The following UBE3D variants were observed in gnomAD, a reference collection of about 807,000 sequenced individuals.
UBE3D encodes the protein ubiquitin protein ligase E3D, also known as E3 ubiquitin-protein ligase E3D.
A neutral mutation model predicts 49.6 loss-of-function variants in UBE3D; 48 were observed. The observed-to-expected ratio is 0.97, with a 90% CI of 0.77 to 1.23. The LOEUF is 1.23. UBE3D is among the 50% of genes most tolerant of loss of function. The pLI, the probability that UBE3D is intolerant of heterozygous loss-of-function variation, is 0.00. For synonymous variants in UBE3D, 189 were observed against 174.2 expected (o/e 1.08, Z -0.67); for missense variants, 452 against 468.4 (o/e 0.96, Z 0.32).
At chr6:82,909,166 T>G (rs532732909) in intron 9 of UBE3D, among the ~76,000 whole-genome samples, 1 of 152,304 alleles carries the variant, frequency 6.6e-6, no homozygotes, top group South Asian at 2.1e-4. Context: ...AGAACATTCC[T>G]GATAACAAGT....
intron 3 of UBE3D, among the ~76,000 whole-genome samples, chr6:83,048,063 C>A (rs1455720710): frequency 9.5e-6 from 1 of 104,928 alleles, no homozygotes; most frequent in Admixed American, 1.6e-4. Context: ...GCCTGGGCAA[C>A]AGGGAGACTC....
At position 82,959,717 on chromosome 6, in the gene UBE3D, CAAAAAAAAAAAAAAAA is replaced by C. The variant is rs778278435; in HGVS notation, c.1011-2283_1011-2268del. Among the ~76,000 whole-genome samples the C allele has an allele frequency of 2.4e-4, 9 of 37,730 alleles. No homozygotes were observed. The South Asian group carries it at 3.6e-3, about 15-fold the overall frequency. The allele number at this position is 37,730 out of a possible 152,430, so 24.8% of individuals were successfully genotyped here. On this transcript the variant is annotated intron_variant, in intron 8 of 9. Coordinates refer to ENST00000369747, the MANE Select transcript of UBE3D (RefSeq NM_198920.3). Reference sequence around the variant, plus strand: ...CAAATTCCTATCTCAGTGAGACCTCCAAAAAAAAAAAAAAAAAAAAAAAAAAAAGGATTGGCTCTGC... The same window carrying C: ...CAAATTCCTATCTCAGTGAGACCTCCAAAAAAAAAAAAGGATTGGCTCTGC...
chr6:82,997,699 A>G (rs549692695), intron 8 of UBE3D, among the ~76,000 whole-genome samples: 168 of 152,326 alleles, frequency 1.1e-3, no homozygotes, highest in African/African-American at 3.9e-3. Context: ...AGCCTGGGCG[A>G]CACAGCAAGA....
chr6:82,981,566 A>C (rs865823272), intron 8 of UBE3D, among the ~76,000 whole-genome samples: 51 of 152,180 alleles, frequency 3.4e-4, no homozygotes, highest in African/African-American at 1.2e-3. Flanking sequence ...TTCCTAAAAA[A>C]AAAAAATTTA....
chr6:82,985,615 G>T (rs1261545734), intron 8 of UBE3D, among the ~76,000 whole-genome samples: 5 of 152,122 alleles, frequency 3.3e-5, no homozygotes, highest in Non-Finnish European at 7.4e-5. Context: ...ACCCGCCTCG[G>T]CCTCACAAAG....
chr6:82,946,130 G>A (rs1459661464), intron 9 of UBE3D, among the ~76,000 whole-genome samples: 1 of 152,104 alleles, frequency 6.6e-6, no homozygotes, highest in African/African-American at 2.4e-5. Context: ...CAAACCTAGA[G>A]AAAGATATCA....
intron 9 of UBE3D, among the ~76,000 whole-genome samples, chr6:82,904,034 C>T (rs557292726): frequency 2.6e-5 from 4 of 152,194 alleles, no homozygotes; most frequent in Admixed American, 6.5e-5. Context: ...GCATTCAAAG[C>T]GGTAGATTCT....
chr6:83,035,056 C>T (rs1179748720), intron 5 of UBE3D, among the ~76,000 whole-genome samples: 1 of 151,828 alleles, frequency 6.6e-6, no homozygotes, highest in African/African-American at 2.4e-5. Context: ...TGGTATGCAC[C>T]TGTGGTCCCG....
intron 8 of UBE3D, among the ~76,000 whole-genome samples, chr6:82,982,449 G>A (rs1778178072): frequency 6.6e-6 from 1 of 152,138 alleles, no homozygotes; most frequent in Admixed American, 6.6e-5. Flanking sequence ...CTTTTAATCT[G>A]TAGGTTCTCC....
chr6:83,026,696 A>G (rs1339599522), intron 5 of UBE3D, among the ~76,000 whole-genome samples: 2 of 152,034 alleles, frequency 1.3e-5, no homozygotes, highest in Non-Finnish European at 2.9e-5. Flanking sequence ...CTATGTATTT[A>G]TTTATTTACT....
intron 9 of UBE3D, among the ~76,000 whole-genome samples, chr6:82,911,226 CAG>C (rs1429200157): frequency 4.5e-5 from 4 of 89,466 alleles, no homozygotes; most frequent in Non-Finnish European, 6.6e-5. Context: ...AAAAAAAACT[CAG>C]GGGGGACATG....
rs571698731 is a variant in UBE3D at position 83,047,553 on chromosome 6, T to C, written c.366-2894A>G. 3.3e-5 allele frequency among the ~76,000 whole-genome samples: 5 copies of C among 151,974 alleles called. No homozygotes were observed. The East Asian group carries it at 7.8e-4, about 24-fold the overall frequency. On this transcript the variant is annotated intron_variant, in intron 3 of 9. Transcript: ENST00000369747. Reference sequence around the variant, plus strand: ...CCCCAGAAAGGTATGTGAGCTGTCATTTGTGCAAACATGCAGAGCCCCTGC... The same window carrying C: ...CCCCAGAAAGGTATGTGAGCTGTCACTTGTGCAAACATGCAGAGCCCCTGC...
At position 83,032,759 on chromosome 6, in the gene UBE3D, A is replaced by G. The variant is rs558984219; in HGVS notation, c.667+5657T>C. Among the ~76,000 whole-genome samples, 6 of 152,224 alleles carry G rather than the reference A, an allele frequency of 3.9e-5. No individual in the cohort carries two copies. The South Asian group carries it at 8.3e-4, about 21-fold the overall frequency. ...GGACCTGGTGGGAATTAACTGAATC[A>G]TGGGGGCGGGGTTTTCCTGTCCTGT... On this transcript the variant is annotated intron_variant, in intron 5 of 9. Transcript: ENST00000369747.
At chr6:82,894,990 A>T (rs1771207530) in intron 9 of UBE3D, among the ~76,000 whole-genome samples, 1 of 152,334 alleles carries the variant, frequency 6.6e-6, no homozygotes, top group Non-Finnish European at 1.5e-5. Flanking sequence ...TAGCATAAGG[A>T]TAACATTGAT....
At chr6:82,938,367 TAC>T (rs778720367) in intron 9 of UBE3D, 3 of 152,238 alleles carry the variant, frequency 2.0e-5, no homozygotes, top group Non-Finnish European at 4.4e-5. Flanking sequence ...GAGAGAGGAC[TAC>T]AGAGGCTGCA....
At chr6:82,982,993 C>A (rs995837845) in intron 8 of UBE3D, among the ~76,000 whole-genome samples, 3 of 151,802 alleles carry the variant, frequency 2.0e-5, no homozygotes, top group African/African-American at 4.8e-5. Context: ...AAATTTCTCT[C>A]TTTTTTTCTT....
At chr6:82,889,550 G>A (rs1223404535), downstream of UBE3D, among the ~76,000 whole-genome samples, 3 of 152,102 alleles carry the variant, frequency 2.0e-5, no homozygotes, top group African/African-American at 7.2e-5. Flanking sequence ...AGCTCTTGAT[G>A]GAATTGAATT....
chr6:83,021,973 C>A (rs1562195328), intron 7 of UBE3D, among the ~76,000 whole-genome samples: 3 of 151,884 alleles, frequency 2.0e-5, no homozygotes, highest in Admixed American at 6.6e-5. Context: ...TACATAGAGG[C>A]ACTTGATCAT....
At chr6:83,055,030 A>C (rs1217803613) in intron 2 of UBE3D, among the ~76,000 whole-genome samples, 1 of 152,204 alleles carries the variant, frequency 6.6e-6, no homozygotes, top group Admixed American at 6.5e-5. Context: ...ATCTCAAACT[A>C]ATGTTTATTG....
Sources: gnomAD v4.1 joint callset for allele counts (sites outside exome capture counted in the v4.1 genomes callset) on GRCh38, gnomAD v4.1.1 for gene constraint, MANE v1.5 for transcripts, NCBI Gene and HGNC (gene_info 2026-07-23, HGNC 2026-07-21) for gene names.